The following PHACTR1 variants were observed in gnomAD, a reference collection of about 807,000 sequenced individuals.
PHACTR1 encodes the protein phosphatase and actin regulator 1.
A neutral mutation model predicts 69.2 loss-of-function variants in PHACTR1; 16 were observed. That is an observed-to-expected ratio of 0.23 (90% CI 0.16 to 0.35). The LOEUF (loss-of-function observed/expected upper bound fraction) is 0.35, where lower values mean the gene tolerates loss of function less well. Ranked by LOEUF, PHACTR1 falls within the 10% of genes least tolerant of loss-of-function variation. The pLI is 1.00. For missense variants in PHACTR1, 510 were observed against 734.7 expected, an observed-to-expected ratio of 0.69 and a Z score of 3.54; for synonymous variants, 312 against 284.5, an observed-to-expected ratio of 1.10 and a Z score of -0.97.
In PHACTR1 at chr6:13,239,117, C is replaced by T. The variant is rs117633533; in HGVS notation, c.1391+8924C>T. The stretch of plus-strand genomic sequence containing the variant: ...AACGGAAAGACCGCCCTGGTATTCG[C>T]TCATCTTCAGATCCACAAAGCCTGG... On this transcript the variant is annotated intron_variant, in intron 10 of 14. Transcript: ENST00000332995. 1.1e-3 allele frequency among the ~76,000 whole-genome samples: 163 copies of T among 152,308 alleles called. 4 individuals are homozygous for T. The East Asian group carries it at 0.027, about 25-fold the overall frequency.
In PHACTR1 at chr6:13,110,908, GTTTTTGTTTTTTGT is replaced by G. The variant is rs567660247; in HGVS notation, c.416-49283_416-49270del. On this transcript the variant is annotated intron_variant, in intron 5 of 14. Coordinates refer to ENST00000332995, the MANE Select transcript of PHACTR1 (RefSeq NM_030948.6). ...CTTCCTGCAGAGTTTTGTGCCCTGG[GTTTTTGTTTTTTGT>G]TTTTTGTTTTTTTTCCTTTTCCCTC... 1.1e-4 allele frequency among the ~76,000 whole-genome samples: 17 copies of G among 152,084 alleles called. No homozygotes were observed. The South Asian group carries it at 3.1e-3, about 28-fold the overall frequency.
Position 13,041,936 on chromosome 6 carries a change from G to GA in PHACTR1, c.251-11429_251-11428insA, listed in dbSNP as rs1804244720. ...GTCTCGGTTCCTTTAACTATAGAAT[G>GA]GTACAAAACGATACTCAACATTTGA... On this transcript the variant is annotated intron_variant, in intron 4 of 14. Transcript: ENST00000332995. Among the ~76,000 whole-genome samples the GA allele has an allele frequency of 2.6e-5, 4 of 151,960 alleles. No individual in the cohort carries two copies. The South Asian group carries it at 8.3e-4, about 32-fold the overall frequency.
chr6:12,905,582 C>G (rs909148675), intron 4 of PHACTR1, among the ~76,000 whole-genome samples: 2 of 152,102 alleles, frequency 1.3e-5, no homozygotes, highest in African/African-American at 2.4e-5. Flanking sequence ...ATGTGACAGA[C>G]AGCAGGAGAG....
chr6:12,896,976 T>C (rs1413766467), intron 4 of PHACTR1, among the ~76,000 whole-genome samples: 2 of 152,206 alleles, frequency 1.3e-5, no homozygotes, highest in African/African-American at 4.8e-5. Context: ...GTATGCCTTC[T>C]TGAGCAGTTA....
chr6:13,280,222 G>A (rs442614), intron 12 of PHACTR1: 94,365 of 152,072 alleles, frequency 0.62, 29,659 homozygotes, highest in Admixed American at 0.7. Context: ...TAGGTTTTGC[G>A]GGTCTCCACA....
At chr6:12,835,633 A>G (rs1332102371) in intron 4 of PHACTR1, among the ~76,000 whole-genome samples, 8 of 152,192 alleles carry the variant, frequency 5.3e-5, no homozygotes, top group Non-Finnish European at 8.8e-5. Flanking sequence ...AGAAGAAAGT[A>G]TGAATAGGGA....
chr6:13,036,583 A>C (rs771950399), intron 4 of PHACTR1, among the ~76,000 whole-genome samples: 8 of 152,212 alleles, frequency 5.3e-5, no homozygotes, highest in Non-Finnish European at 8.8e-5. Flanking sequence ...GTGAAAAGCC[A>C]ATGGTCACCT....
At chr6:13,006,943 C>T (rs995010487) in intron 4 of PHACTR1, among the ~76,000 whole-genome samples, 1 of 152,206 alleles carries the variant, frequency 6.6e-6, no homozygotes, top group East Asian at 1.9e-4. Flanking sequence ...GCAATCCTAC[C>T]ATGTGCCTGA....
chr6:13,219,443 T>C (rs1410267819), intron 8 of PHACTR1, among the ~76,000 whole-genome samples: 1 of 152,114 alleles, frequency 6.6e-6, no homozygotes, highest in East Asian at 1.9e-4. Context: ...AGCGTGGTGG[T>C]GATGCCTCTC....
intron 3 of PHACTR1, among the ~76,000 whole-genome samples, chr6:12,737,692 T>C (rs975616473): frequency 3.9e-5 from 6 of 151,940 alleles, no homozygotes; most frequent in African/African-American, 1.5e-4. Context: ...AGTTCTGGGC[T>C]CAAGCGATCC....
At chr6:13,015,636 T>C (rs1374341243) in intron 4 of PHACTR1, among the ~76,000 whole-genome samples, 2 of 152,228 alleles carry the variant, frequency 1.3e-5, no homozygotes, top group Non-Finnish European at 2.9e-5. Flanking sequence ...TTTAAATTAG[T>C]GTCTGTAAAT....
At chr6:13,195,156 AC>A (rs1764194887) in intron 7 of PHACTR1, among the ~76,000 whole-genome samples, 1 of 152,016 alleles carries the variant, frequency 6.6e-6, no homozygotes, top group Non-Finnish European at 1.5e-5. Flanking sequence ...GCTCCTGTTG[AC>A]CTCTTTCTTG....
chr6:12,810,120 G>A (rs934510277), intron 4 of PHACTR1, among the ~76,000 whole-genome samples: 1 of 152,156 alleles, frequency 6.6e-6, no homozygotes, highest in African/African-American at 2.4e-5. Flanking sequence ...GTTACAGAAC[G>A]AAATTAATCA....
intron 5 of PHACTR1, among the ~76,000 whole-genome samples, chr6:13,054,864 G>A (rs571198584): frequency 1.3e-5 from 2 of 152,250 alleles, no homozygotes; most frequent in African/African-American, 4.8e-5. Flanking sequence ...CTACCCCAAG[G>A]TTTTCATTTC....
At chr6:12,906,306 ATG>A (rs1270852902) in intron 4 of PHACTR1, among the ~76,000 whole-genome samples, 3 of 152,254 alleles carry the variant, frequency 2.0e-5, no homozygotes, top group Admixed American at 1.3e-4. Flanking sequence ...CATATAAATT[ATG>A]TGTTTCTATT....
At chr6:12,930,131 C>T (rs2210516) in intron 4 of PHACTR1, among the ~76,000 whole-genome samples, 24,939 of 151,660 alleles carry the variant, frequency 0.16, 4,659 homozygotes, top group African/African-American at 0.46. Flanking sequence ...GCAGCCTTGA[C>T]CTCCTTGGCT....
intron 8 of PHACTR1, among the ~76,000 whole-genome samples, chr6:13,211,412 A>G (rs943774226): frequency 2.6e-5 from 4 of 152,130 alleles, no homozygotes; most frequent in Non-Finnish European, 4.4e-5. Flanking sequence ...TAGAAGTCAG[A>G]TGTAAAGTCC....
chr6:12,741,155 C>G (rs990874504), intron 3 of PHACTR1, among the ~76,000 whole-genome samples: 1 of 151,974 alleles, frequency 6.6e-6, no homozygotes, highest in Non-Finnish European at 1.5e-5. Flanking sequence ...TCCCAACCAG[C>G]ACTGTTCATC....
At chr6:12,901,366 A>T in intron 4 of PHACTR1, among the ~76,000 whole-genome samples, 1 of 152,168 alleles carries the variant, frequency 6.6e-6, no homozygotes, top group Non-Finnish European at 1.5e-5. Flanking sequence ...CTCCCCAAAG[A>T]TGGTAATGTG....
Sources: gnomAD v4.1 joint callset for allele counts (sites outside exome capture counted in the v4.1 genomes callset) on GRCh38, gnomAD v4.1.1 for gene constraint, MANE v1.5 for transcripts, NCBI Gene and HGNC (gene_info 2026-07-23, HGNC 2026-07-21) for gene names.